RPL3L: variants seen among roughly 807,000 people sequenced by gnomAD.
The protein encoded by RPL3L is ribosomal protein uL3-like.
In RPL3L, 44 loss-of-function variants were observed where a neutral mutation model predicts 44.5. That is an observed-to-expected ratio of 0.99 (90% CI 0.78 to 1.27). RPL3L has a LOEUF of 1.27. Ranked by LOEUF, RPL3L falls within the 50% of genes most tolerant of loss-of-function variation. The pLI, the probability that RPL3L is intolerant of heterozygous loss-of-function variation, is 0.00. For synonymous variants in RPL3L, 292 were observed against 230.7 expected, an observed-to-expected ratio of 1.27 and a Z score of -2.41; for missense variants, 631 against 569.1, an observed-to-expected ratio of 1.11 and a Z score of -1.11.
In RPL3L at chr16:1,947,185, G is replaced by A. The variant is rs1295539652; in HGVS notation, c.688+9C>T. The A allele has an allele frequency of 9.9e-6, 16 of 1,612,794 alleles. No homozygotes were observed. The East Asian group carries it at 1.3e-4, about 13-fold the overall frequency. On this transcript the variant is annotated intron_variant, in intron 5 of 9. Coordinates refer to ENST00000268661, the MANE Select transcript of RPL3L (RefSeq NM_005061.3). ...CTGCCCTGGAGCTGCCATCCTCACT[G>A]AGCCCTACCTTTGACGCCTCGACCC...
intron 3 of RPL3L, 64 bp from the exon 4 acceptor site, chr16:1,951,043 G>GC (rs2150864671): frequency 6.4e-7 from 1 of 1,573,266 alleles, no homozygotes; most frequent in South Asian, 1.1e-5. Flanking sequence ...GGCCTATCCT[G>GC]CCCCCACCTC....
intron 1 of RPL3L, 89 bp downstream of exon 1, chr16:1,954,540 C>A: frequency 7.1e-7 from 1 of 1,415,218 alleles, no homozygotes; most frequent in South Asian, 1.3e-5. Flanking sequence ...GAGACTGTCC[C>A]TCTGAGGGAG....
rs777582946 is a variant in RPL3L, at chr16:1,945,494, C to T, written c.1167+5G>A. 9.9e-6 allele frequency: 16 copies of T among 1,608,710 alleles called. No homozygotes were observed. In the South Asian group the frequency reaches 1.6e-4, roughly 16 times the overall value. The stretch of plus-strand genomic sequence containing the variant: ...GAAGAACAAGGATGGGGGCGGTGAG[C>T]TCACCATGAAGGCCCTCTTCTCTTG... On this transcript the variant is annotated splice_donor_5th_base_variant and intron_variant, in intron 9 of 9. Coordinates refer to ENST00000268661, the MANE Select transcript of RPL3L (RefSeq NM_005061.3).
rs1302237625 is a variant in RPL3L, at chr16:1,954,126, G to A, written c.26C>T (p.Pro9Leu). 6.3e-7 allele frequency: 1 copy of A among 1,592,826 alleles called. No individual in the cohort carries two copies. Among genetic ancestry groups the A allele is most frequent in the Non-Finnish European group, 8.5e-7 (1 of 1,170,266 alleles). Residue 9 changes from proline (P) to leucine (L), a missense_variant, in exon 2 of 10, where the codon CCT becomes CTT. By Grantham distance (98) the Pro-to-Leu change is moderately conservative. Coordinates refer to ENST00000268661, the MANE Select transcript of RPL3L (RefSeq NM_005061.3). MSHRKFSA[P>L]RHGHLGFLPH... ...CAGGAAGCCCAGGTGTCCGTGCCGA[G>A]GGGCGGAAAACTTCCGGTGGGACTG...
In RPL3L at chr16:1,954,087, C is replaced by T. The variant is rs774604672; in HGVS notation, c.65G>A (p.Ser22Asn). 1 of 1,603,744 alleles carries T rather than the reference C, an allele frequency of 6.2e-7. No homozygotes were observed. Among genetic ancestry groups the T allele is most frequent in the Non-Finnish European group, 8.5e-7 (1 of 1,176,198 alleles). Residue 22 changes from serine (S) to asparagine (N), a missense_variant, in exon 2 of 10, where the codon AGC (serine) becomes AAC (asparagine). Ser to Asn is a conservative substitution (Grantham distance 46). Coordinates refer to ENST00000268661, the MANE Select transcript of RPL3L (RefSeq NM_005061.3). Reference sequence around the variant, plus strand: ...CTTCACCTTGCCCCGGTGCCGGTGGCTCCTCTTATGGGGCAGGAAGCCCAG... The same window carrying T: ...CTTCACCTTGCCCCGGTGCCGGTGGTTCCTCTTATGGGGCAGGAAGCCCAG... ...GHLGFLPHKRSHRHRGKVKTW... is the reference protein window; with the variant it reads ...GHLGFLPHKRNHRHRGKVKTW...
Position 1,952,996 on chromosome 16 carries a change from C to T in RPL3L, c.243G>A (p.Thr81=), listed in dbSNP as rs201846891. 1.0e-4 allele frequency: 169 copies of T among 1,610,358 alleles called. 1 individual carries two copies. In the East Asian group the frequency reaches 2.7e-3, roughly 25 times the overall value. The change falls in exon 3 of 10, where the codon ACG becomes ACA. Residue 81 remains threonine, a synonymous_variant. Transcript: ENST00000268661. ...CCACGCCCACCACCACTAGGGGCGG[C>T]GTTTCTACAATTGTCACCGCCTCCA... is the stretch of plus-strand genomic sequence containing the variant. ...EEVEAVTIVE[T]PPLVVVGVVG... is the part of the protein sequence containing the mutation.
At chr16:1,947,462 C>A (rs2083132793) in intron 4 of RPL3L, 82 bp from the exon 5 acceptor site, 10 of 1,413,348 alleles carry the variant, frequency 7.1e-6, no homozygotes, top group Non-Finnish European at 9.3e-6. Context: ...GCAGTGACCC[C>A]TGCCGCCTTC....
chr16:1,952,533 G>C (rs1023654803), intron 3 of RPL3L, among the ~76,000 whole-genome samples: 33 of 151,182 alleles, frequency 2.2e-4, no homozygotes, highest in African/African-American at 7.5e-4. Flanking sequence ...CACCACCCCA[G>C]CCAGCTAATT....
intron 2 of RPL3L, among the ~76,000 whole-genome samples, chr16:1,953,485 G>C (rs931357676): frequency 6.6e-6 from 1 of 152,194 alleles, no homozygotes; most frequent in African/African-American, 2.4e-5. Flanking sequence ...CTCCCAAAGT[G>C]CTGGGATTAC....
rs758648302 is a variant in RPL3L, at chr16:1,953,979, C to G, written c.173G>C (p.Arg58Pro). 3.2e-6 allele frequency: 5 copies of G among 1,569,650 alleles called. No individual in the cohort carries two copies. Among genetic ancestry groups the G allele is most frequent in the Admixed American group, 3.6e-5 (2 of 55,868 alleles). The change falls in exon 2 of 10, where the codon CGG becomes CCG. Residue 58 changes from arginine (R) to proline (P), a missense_variant. By Grantham distance (103) the Arg-to-Pro change is moderately radical. Coordinates refer to ENST00000268661, the MANE Select transcript of RPL3L (RefSeq NM_005061.3). Reference sequence around the variant, plus strand: ...ACTGAGCCCCGGCCGGTGCACCTCCCGCAGGGTGTGGGTCATGCCCGCCTT... The same window carrying G: ...ACTGAGCCCCGGCCGGTGCACCTCCGGCAGGGTGTGGGTCATGCCCGCCTT... Reference protein sequence around the residue: ...GYKAGMTHTLREVHRPGLKIS... With the variant: ...GYKAGMTHTLPEVHRPGLKIS...
In RPL3L at chr16:1,944,145, T is replaced by A. The variant is rs1284087388; in HGVS notation, c.*692A>T. On this transcript the variant is annotated 3_prime_UTR_variant, in exon 10 of 10. Coordinates refer to ENST00000268661, the MANE Select transcript of RPL3L (RefSeq NM_005061.3). ...TAAAACAAAGACAGTAACAGCCCTT[T>A]CCCAAAGCAGACCACCTCCTTGCCT... 6.6e-6 allele frequency: 1 copy of A among 152,250 alleles called. No individual in the cohort carries two copies. Among genetic ancestry groups the A allele is most frequent in the Non-Finnish European group, 1.5e-5 (1 of 68,088 alleles). 9.4% of individuals were successfully genotyped at this position (152,250 alleles called of 1,614,324 possible). A position where few individuals can be genotyped will look rare whatever the true frequency, so the allele number is the denominator to read the frequency against.
chr16:1,949,009 C>CTTTTTTTTTT (rs34900670), intron 4 of RPL3L, among the ~76,000 whole-genome samples: 3 of 124,662 alleles, frequency 2.4e-5, no homozygotes, highest in African/African-American at 6.6e-5. Flanking sequence ...CCGCGCCTGG[C>CTTTTTTTTTT]TTTTTTTTTT....
At chr16:1,948,972 A>G (rs2083146819) in intron 4 of RPL3L, among the ~76,000 whole-genome samples, 1 of 150,236 alleles carries the variant, frequency 6.7e-6, no homozygotes, top group Non-Finnish European at 1.5e-5. Context: ...CGGCCTCCCA[A>G]AGTGCTGGAA....
At position 1,944,754 on chromosome 16, in the gene RPL3L, C is replaced by T. The variant is rs1373299043; in HGVS notation, c.*83G>A. ...GCGGTTACACAGCGCTCTGAGACCTCGCAGGAAGAGTCGCCTCCGGCCTTT... is the reference window on the plus strand; with the variant it reads ...GCGGTTACACAGCGCTCTGAGACCTTGCAGGAAGAGTCGCCTCCGGCCTTT... On this transcript the variant is annotated 3_prime_UTR_variant, in exon 10 of 10. Transcript: ENST00000268661. 21 of 1,589,552 alleles carry T rather than the reference C, an allele frequency of 1.3e-5. No homozygotes were observed. Among genetic ancestry groups the T allele is most frequent in the Admixed American group, 5.0e-5 (3 of 59,890 alleles).
chr16:1,947,953 T>C lies in RPL3L; in HGVS notation c.502-573A>G, dbSNP rs867524561. ...ATCTGATTGGATTTTTTTTTTTTTTTTTTTTTTTGAGTCTCGCTCTATCGC... is the reference window on the plus strand; with the variant it reads ...ATCTGATTGGATTTTTTTTTTTTTTCTTTTTTTTGAGTCTCGCTCTATCGC... On this transcript the variant is annotated intron_variant, in intron 4 of 9. Transcript: ENST00000268661. Among the ~76,000 whole-genome samples the C allele has an allele frequency of 2.8e-3, 422 of 148,712 alleles. 4 individuals carry two copies. The highest frequency in any genetic ancestry group is 9.2e-3 in the African/African-American group (374 of 40,622).
At position 1,952,988 on chromosome 16, in the gene RPL3L, A is replaced by AG; in HGVS notation, c.250dup (p.Leu84ProfsTer29). Reference sequence around the variant, plus strand: ...GTAGCCCACCACGCCCACCACCACTAGGGGCGGCGTTTCTACAATTGTCAC... The same window carrying AG: ...GTAGCCCACCACGCCCACCACCACTAGGGGGCGGCGTTTCTACAATTGTCAC... On this transcript the variant is annotated frameshift_variant, in exon 3 of 10. Transcript: ENST00000268661. LOFTEE classifies it high-confidence loss of function. The AG allele has an allele frequency of 6.2e-7, 1 of 1,610,992 alleles. No individual in the cohort carries two copies. Among genetic ancestry groups the AG allele is most frequent in the Non-Finnish European group, 8.5e-7 (1 of 1,178,982 alleles).
chr16:1,949,560 T>C (rs2083154060), intron 4 of RPL3L, among the ~76,000 whole-genome samples: 1 of 150,030 alleles, frequency 6.7e-6, no homozygotes, highest in Admixed American at 6.7e-5. Flanking sequence ...GCTTGATTTT[T>C]TTTTTTTTTT....
chr16:1,944,700 C>G lies in RPL3L; in HGVS notation c.*137G>C. 1 of 1,015,906 alleles carries G rather than the reference C, an allele frequency of 9.8e-7. No individual in the cohort carries two copies. Among genetic ancestry groups the G allele is most frequent in the Non-Finnish European group, 1.5e-6 (1 of 651,354 alleles). The allele number at this position is 1,015,906 out of a possible 1,614,324, so 62.9% of individuals were successfully genotyped here. A position where few individuals can be genotyped will look rare whatever the true frequency, so the allele number is the denominator to read the frequency against. Reference sequence around the variant, plus strand: ...CCCTGTCTTAATGAATCGGCTTTGTCTAGGCAGCAGGCAAGGTGAACCCCT... The same window carrying G: ...CCCTGTCTTAATGAATCGGCTTTGTGTAGGCAGCAGGCAAGGTGAACCCCT... On this transcript the variant is annotated 3_prime_UTR_variant, in exon 10 of 10. Transcript: ENST00000268661.
intron 9 of RPL3L, 32 bp downstream of exon 9, chr16:1,945,467 G>T: frequency 6.3e-7 from 1 of 1,589,604 alleles, no homozygotes; most frequent in East Asian, 2.3e-5. Context: ...TGGAGCCCCA[G>T]AGAAGAACAA....
Sources: allele counts gnomAD v4.1 joint callset (sites outside exome capture counted in the v4.1 genomes callset), GRCh38; gene constraint gnomAD v4.1.1; transcripts MANE v1.5; gene names NCBI Gene and HGNC (gene_info 2026-07-23, HGNC 2026-07-21).